The following FER variants were observed in gnomAD, a reference collection of about 807,000 sequenced individuals.
FER encodes the protein FER tyrosine kinase.
Under a neutral mutation model 111.0 loss-of-function variants are expected in FER, and 63 were observed. The observed-to-expected ratio is 0.57, with a 90% CI of 0.46 to 0.70. FER has a LOEUF of 0.70. Ranked by LOEUF, FER falls within the 30% of genes least tolerant of loss-of-function variation. The pLI, the probability that FER is intolerant of heterozygous loss-of-function variation, is 0.00. For missense variants in FER, 914 were observed against 954.0 expected, an observed-to-expected ratio of 0.96 and a Z score of 0.55; for synonymous variants, 327 against 313.9, an observed-to-expected ratio of 1.04 and a Z score of -0.44.
At chr5:109,102,200 G>A (rs963878947) in intron 17 of FER, among the ~76,000 whole-genome samples, 2 of 152,050 alleles carry the variant, frequency 1.3e-5, no homozygotes, top group Admixed American at 6.6e-5. Flanking sequence ...CTGCTGTAAT[G>A]TTGTTTTTCC....
chr5:108,815,333 CCT>C (rs1312219278), intron 3 of FER, among the ~76,000 whole-genome samples: 1 of 151,780 alleles, frequency 6.6e-6, no homozygotes, highest in Non-Finnish European at 1.5e-5. Context: ...CTAGAAATTT[CCT>C]CTGTGGATCT....
At chr5:109,083,456 C>G (rs986347296) in intron 16 of FER, among the ~76,000 whole-genome samples, 2 of 152,048 alleles carry the variant, frequency 1.3e-5, no homozygotes, top group Non-Finnish European at 2.9e-5. Context: ...AACTGTAATT[C>G]TATCCATCTC....
chr5:108,765,889 A>C (rs1433977398), intron 1 of FER, among the ~76,000 whole-genome samples: 1 of 152,136 alleles, frequency 6.6e-6, no homozygotes, highest in Non-Finnish European at 1.5e-5. Context: ...GATTTAATTA[A>C]AGATGATGTG....
intron 17 of FER, among the ~76,000 whole-genome samples, chr5:109,154,227 GTTACA>G (rs1755134655): frequency 6.6e-6 from 1 of 151,906 alleles, no homozygotes; most frequent in African/African-American, 2.4e-5. Context: ...AGCTATAACA[GTTACA>G]AACCTTTACC....
intron 1 of FER, among the ~76,000 whole-genome samples, chr5:108,764,047 G>A (rs1011665789): frequency 2.0e-5 from 3 of 152,104 alleles, no homozygotes; most frequent in East Asian, 1.9e-4. Flanking sequence ...TACTGCTTGC[G>A]AGAAGGAATA....
At chr5:108,816,606 A>G (rs748674672) in intron 3 of FER, among the ~76,000 whole-genome samples, 28 of 152,162 alleles carry the variant, frequency 1.8e-4, no homozygotes, top group Middle Eastern at 3.4e-3. Context: ...CTTTAACCCC[A>G]TTTGTCCATA....
At chr5:109,117,321 T>C (rs1013976263) in intron 17 of FER, among the ~76,000 whole-genome samples, 1 of 152,076 alleles carries the variant, frequency 6.6e-6, no homozygotes, top group Non-Finnish European at 1.5e-5. Flanking sequence ...GAACAATAAT[T>C]CATGTGTTGG....
At chr5:109,110,350 TAAGAG>T (rs1242041533) in intron 17 of FER, among the ~76,000 whole-genome samples, 24 of 152,122 alleles carry the variant, frequency 1.6e-4, no homozygotes, top group Admixed American at 1.2e-3. Context: ...TATAGGGTGT[TAAGAG>T]AAGACCCAAA....
rs1299931976 is a variant in FER at position 109,192,854 on chromosome 5, C to G, written c.*5279C>G. 1 of 152,080 alleles carries G rather than the reference C, an allele frequency of 6.6e-6. No individual in the cohort carries two copies. Among genetic ancestry groups the G allele is most frequent in the Admixed American group, 6.6e-5 (1 of 15,266 alleles). The allele number at this position is 152,080 out of a possible 1,614,324, so 9.4% of individuals were successfully genotyped here. On this transcript the variant is annotated 3_prime_UTR_variant, in exon 20 of 20. Coordinates refer to ENST00000281092, the MANE Select transcript of FER (RefSeq NM_005246.4). ...ATGGAAGAATACAAGTAGCAATGTTCCTTGTCTTCAATAACATTTGAGGGA... is the reference window on the plus strand; with the variant it reads ...ATGGAAGAATACAAGTAGCAATGTTGCTTGTCTTCAATAACATTTGAGGGA...
At chr5:108,856,060 A>G (rs970014758) in intron 5 of FER, among the ~76,000 whole-genome samples, 3 of 152,144 alleles carry the variant, frequency 2.0e-5, no homozygotes, top group Non-Finnish European at 4.4e-5. Context: ...TGCTGGAGAA[A>G]TGTCCCTGAG....
At chr5:108,966,215 T>A (rs1358591710) in intron 13 of FER, among the ~76,000 whole-genome samples, 2 of 152,142 alleles carry the variant, frequency 1.3e-5, no homozygotes, top group African/African-American at 2.4e-5. Context: ...TTGCCTACTT[T>A]ATAAATATTT....
chr5:109,026,975 G>A (rs750390652), intron 13 of FER, among the ~76,000 whole-genome samples: 6 of 152,032 alleles, frequency 3.9e-5, no homozygotes, highest in East Asian at 1.9e-4. Flanking sequence ...CACCACACCC[G>A]GCTAATTATT....
chr5:109,012,880 G>C (rs968130159), intron 13 of FER, among the ~76,000 whole-genome samples: 6 of 151,932 alleles, frequency 3.9e-5, no homozygotes, highest in African/African-American at 1.2e-4. Context: ...AACTACCAAA[G>C]TCATACTTGA....
At chr5:108,748,807 C>T (rs935721204) in intron 1 of FER, among the ~76,000 whole-genome samples, 8 of 152,152 alleles carry the variant, frequency 5.3e-5, no homozygotes, top group Non-Finnish European at 1.0e-4. Context: ...GGCTGAGGGC[C>T]GGGCGGCTGC....
At chr5:108,828,171 C>T (rs1324547195) in intron 3 of FER, among the ~76,000 whole-genome samples, 2 of 152,042 alleles carry the variant, frequency 1.3e-5, no homozygotes, top group Non-Finnish European at 2.9e-5. Flanking sequence ...CTCCTGGCCT[C>T]ATTTGTATTT....
chr5:108,929,795 T>C (rs1754307753), intron 10 of FER, among the ~76,000 whole-genome samples: 1 of 152,048 alleles, frequency 6.6e-6, no homozygotes, highest in Admixed American at 6.6e-5. Flanking sequence ...ACGTACAAAA[T>C]ACAGATAGAA....
At chr5:108,966,306 A>G (rs536343168) in intron 13 of FER, among the ~76,000 whole-genome samples, 4 of 151,876 alleles carry the variant, frequency 2.6e-5, no homozygotes, top group Admixed American at 2.0e-4. Flanking sequence ...GAAAGGCAGG[A>G]TTTGATATTT....
At chr5:108,797,298 A>T (rs1275023998) in intron 2 of FER, among the ~76,000 whole-genome samples, 1 of 151,964 alleles carries the variant, frequency 6.6e-6, no homozygotes, top group Non-Finnish European at 1.5e-5. Flanking sequence ...AGAAGGATGG[A>T]GTCACTTTTG....
intron 4 of FER, among the ~76,000 whole-genome samples, chr5:108,834,088 A>T (rs1365145873): frequency 3.3e-5 from 5 of 152,184 alleles, no homozygotes; most frequent in African/African-American, 9.6e-5. Context: ...AGTGTTTAAT[A>T]AAATGCCATT....
Sources: gnomAD v4.1 joint callset for allele counts (sites outside exome capture counted in the v4.1 genomes callset) on GRCh38, gnomAD v4.1.1 for gene constraint, MANE v1.5 for transcripts, NCBI Gene and HGNC (gene_info 2026-07-23, HGNC 2026-07-21) for gene names.